Variants in KDR observed in about 807,000 individuals in gnomAD.
The protein encoded by KDR is vascular endothelial growth factor receptor 2.
In KDR, 43 loss-of-function variants were observed where a neutral mutation model predicts 160.9. The ratio of observed to expected loss-of-function variants is 0.27; its 90% CI spans 0.21 to 0.34. KDR has a LOEUF of 0.34. Ranked by LOEUF, KDR falls within the 10% of genes least tolerant of loss-of-function variation. The probability of loss-of-function intolerance (pLI) is 1.00; values close to 1 mark genes in which losing one functional copy is unlikely to be tolerated. For synonymous variants in KDR, 617 were observed against 600.1 expected, an observed-to-expected ratio of 1.03 and a Z score of -0.41; for missense variants, 1,469 against 1,666.4, an observed-to-expected ratio of 0.88 and a Z score of 2.06.
chr4:55,102,224 C>T lies in KDR; in HGVS notation c.2134+138G>A, dbSNP rs538393873. 8 of 1,288,640 alleles carry T rather than the reference C, an allele frequency of 6.2e-6. No homozygotes were observed. The South Asian group carries it at 9.7e-5, about 16-fold the overall frequency. 79.8% of individuals were successfully genotyped at this position (1,288,640 alleles called of 1,614,324 possible). On this transcript the variant is annotated intron_variant, in intron 14 of 29. Coordinates refer to ENST00000263923, the MANE Select transcript of KDR (RefSeq NM_002253.4). ...TTCAACAGGGCCCCATACTCCAATT[C>T]TAAGTCTGTGAAATGAGCCAGGTCA...
rs780209077 is a variant in KDR, at chr4:55,089,997, G to A, written c.3151C>T (p.Arg1051Trp). ...VVKICDFGLA[R>W]DIYKDPDYVR... The stretch of plus-strand genomic sequence containing the variant: ...TAATCTGGATCTTTATAAATATCCC[G>A]GGCCAAGCCAAAGTCACAGATTTTA... The change falls in exon 23 of 30, where the codon CGG becomes TGG. Residue 1051 changes from arginine (R) to tryptophan (W), a missense_variant. Coordinates refer to ENST00000263923, the MANE Select transcript of KDR (RefSeq NM_002253.4). 10 of 1,613,842 alleles carry A rather than the reference G, an allele frequency of 6.2e-6. No individual in the cohort carries two copies. Among genetic ancestry groups the A allele is most frequent in the East Asian group, 2.2e-5 (1 of 44,896 alleles).
rs1720199804 is a variant in KDR, at chr4:55,097,780, C to T, written c.2510-14G>A. ...CAAGAGGCTTACCTAGAGTCAACAA[C>T]AACAGCAACAAGAAAACAGACTTGG... On this transcript the variant is annotated splice_polypyrimidine_tract_variant and intron_variant, in intron 17 of 29. Transcript: ENST00000263923. The T allele has an allele frequency of 1.3e-6, 2 of 1,563,858 alleles. No homozygotes were observed. The highest frequency in any genetic ancestry group is 1.4e-5 in the African/African-American group (1 of 73,628).
intron 11 of KDR, among the ~76,000 whole-genome samples, chr4:55,106,279 G>C (rs1720444268): frequency 1.3e-5 from 2 of 152,244 alleles, no homozygotes; most frequent in South Asian, 4.2e-4. Flanking sequence ...TCAGAATCTG[G>C]AGCATTTTGG....
intron 14 of KDR, 98 bp downstream of exon 14, chr4:55,102,264 G>T: frequency 7.0e-7 from 1 of 1,435,342 alleles, no homozygotes; most frequent in Non-Finnish European, 9.8e-7. Context: ...CACCAATACT[G>T]CTTTTTTTCT....
intron 1 of KDR, 76 bp from the exon 2 acceptor site, chr4:55,121,266 C>A: frequency 2.0e-6 from 2 of 981,862 alleles, no homozygotes; most frequent in South Asian, 2.6e-5. Flanking sequence ...ATAAACAATG[C>A]ATACTCTATA....
At chr4:55,118,509 A>G in intron 3 of KDR, 95 bp downstream of exon 3, 2 of 956,428 alleles carry the variant, frequency 2.1e-6, no homozygotes, top group Non-Finnish European at 3.4e-6. Context: ...CAGCCTTTAG[A>G]GCAAGCCCTT....
intron 15 of KDR, among the ~76,000 whole-genome samples, chr4:55,100,473 A>G (rs1720282383): frequency 6.6e-6 from 1 of 152,168 alleles, no homozygotes; most frequent in South Asian, 2.1e-4. Context: ...CATTCACTCC[A>G]GGTAAGAAGT....
Position 55,078,914 on chromosome 4 carries a change from G to A in KDR, c.*1027C>T, listed in dbSNP as rs1451279775. ...AGGCCAAATAACTAAAATACTGATG[G>A]GTTGCGGGGTGAGAGTGGGTTGGGG... On this transcript the variant is annotated 3_prime_UTR_variant, in exon 30 of 30. Transcript: ENST00000263923. 4.3e-6 allele frequency: 1 copy of A among 233,170 alleles called. No homozygotes were observed. The highest frequency in any genetic ancestry group is 2.2e-5 in the African/African-American group (1 of 45,342). 14.4% of individuals were successfully genotyped at this position (233,170 alleles called of 1,614,324 possible).
rs563652934 is a variant in KDR at position 55,105,853 on chromosome 4, C to A, written c.1624G>T (p.Val542Leu). 63 of 1,607,366 alleles carry A rather than the reference C, an allele frequency of 3.9e-5. No individual in the cohort carries two copies. In the South Asian group the frequency reaches 6.5e-4, roughly 17 times the overall value. Reference protein sequence around the residue: ...AVNKVGRGERVISFHVTRGPE... With the variant: ...AVNKVGRGERLISFHVTRGPE... ...TTACTGGTCACGTGGAAGGAGATCA[C>A]CCTCTCTCCTCTCCCGACTTTGTTG... is the stretch of plus-strand genomic sequence containing the variant. The change falls in exon 12 of 30, where the codon GTG (valine) becomes TTG (leucine). Residue 542 changes from valine (V) to leucine (L), a missense_variant. By Grantham distance (32) the Val-to-Leu change is conservative (BLOSUM62 1). This residue lies in a region of KDR where 792 missense variants were observed against 840.9 expected (regional missense o/e 0.94). Transcript: ENST00000263923.
intron 15 of KDR, 79 bp downstream of exon 15, chr4:55,101,818 G>A (rs970083110): frequency 1.3e-5 from 16 of 1,262,152 alleles, no homozygotes; most frequent in Non-Finnish European, 1.8e-5. Context: ...CAGCTGCAAA[G>A]GACATGATCA....
At position 55,107,817 on chromosome 4, in the gene KDR, T is replaced by C. The variant is rs144083610; in HGVS notation, c.1332A>G (p.Thr444=). 2 of 1,613,952 alleles carry C rather than the reference T, an allele frequency of 1.2e-6. No homozygotes were observed. The highest frequency in any genetic ancestry group is 1.7e-6 in the Non-Finnish European group (2 of 1,179,906). Residue 444 remains threonine (T), a synonymous_variant, in exon 10 of 30, where the codon ACA becomes ACG. Coordinates refer to ENST00000263923, the MANE Select transcript of KDR (RefSeq NM_002253.4). The part of the protein sequence containing the change: ...SYQYGTTQTL[T]CTVYAIPPPH... Reference sequence around the variant, plus strand: ...GGGGAGGAATGGCATAGACCGTACATGTCAGCGTTTGAGTGGTGCCGTACT... The same window carrying C: ...GGGGAGGAATGGCATAGACCGTACACGTCAGCGTTTGAGTGGTGCCGTACT...
At chr4:55,086,881 C>A (rs911920615) in intron 27 of KDR, among the ~76,000 whole-genome samples, 1 of 152,148 alleles carries the variant, frequency 6.6e-6, no homozygotes, top group Admixed American at 6.5e-5. Flanking sequence ...AACACCCAAA[C>A]GGGTTAGGAA....
At chr4:55,113,617 A>T in intron 6 of KDR, 136 bp from the exon 7 acceptor site, 1 of 737,876 alleles carries the variant, frequency 1.4e-6, no homozygotes. Context: ...AGAACTTTTA[A>T]CCTCATGCAG....
intron 7 of KDR, among the ~76,000 whole-genome samples, chr4:55,111,838 T>A: frequency 6.6e-6 from 1 of 152,250 alleles, no homozygotes; most frequent in East Asian, 1.9e-4. Flanking sequence ...AGTCAGGAAC[T>A]TGAGTTCCAA....
rs1172794960 is a variant in KDR at position 55,096,337 on chromosome 4, C to T, written c.2620G>A (p.Ala874Thr). Residue 874 changes from alanine (A) to threonine (T), a missense_variant, in exon 19 of 30, where the codon GCA becomes ACA. By Grantham distance (58) the Ala-to-Thr change is moderately conservative. Coordinates refer to ENST00000263923, the MANE Select transcript of KDR (RefSeq NM_002253.4). Reference protein sequence around the residue: ...TVAVKMLKEGATHSEHRALMS... With the variant: ...TVAVKMLKEGTTHSEHRALMS... ...AGAGCTCGATGCTCACTGTGTGTTG[C>T]TCCTTCTACAAATACAGTACAAAGA... The T allele has an allele frequency of 2.5e-6, 4 of 1,607,222 alleles. No individual in the cohort carries two copies. Among genetic ancestry groups the T allele is most frequent in the African/African-American group, 1.3e-5 (1 of 74,704 alleles).
chr4:55,080,050 C>T lies in KDR; in HGVS notation c.3962G>A (p.Ser1321Asn). The change falls in exon 30 of 30, where the codon AGT (serine) becomes AAT (asparagine). Residue 1321 changes from serine (S) to asparagine (N), a missense_variant. By Grantham distance (46) the Ser-to-Asn change is conservative. This residue lies in a region of KDR where 229 missense variants were observed against 197.8 expected (regional missense o/e 1.16). Transcript: ENST00000263923. ...CAGCTTTAAAAGTTCTGCTTCCTCA[C>T]TGGAGTACACGGTGGTGTCTGTGTC... Reference protein sequence around the residue: ...SDDTDTTVYSSEEAELLKLIE... With the variant: ...SDDTDTTVYSNEEAELLKLIE... The T allele has an allele frequency of 1.2e-6, 2 of 1,614,218 alleles. No individual in the cohort carries two copies. The highest frequency in any genetic ancestry group is 1.7e-5 in the Admixed American group (1 of 60,024).
At position 55,118,595 on chromosome 4, in the gene KDR, A is replaced by G; in HGVS notation, c.358+9T>C. ...AGACGTGGGAAATGAATTTTATTTCACCACTTACCTTGAACATAGACATAA... is the reference window on the plus strand; with the variant it reads ...AGACGTGGGAAATGAATTTTATTTCGCCACTTACCTTGAACATAGACATAA... On this transcript the variant is annotated intron_variant, in intron 3 of 29. Coordinates refer to ENST00000263923, the MANE Select transcript of KDR (RefSeq NM_002253.4). The G allele has an allele frequency of 1.2e-6, 2 of 1,606,898 alleles. No individual in the cohort carries two copies. The highest frequency in any genetic ancestry group is 8.5e-7 in the Non-Finnish European group (1 of 1,173,368).
intron 1 of KDR, among the ~76,000 whole-genome samples, chr4:55,123,415 T>C (rs1450595849): frequency 6.6e-6 from 1 of 152,204 alleles, no homozygotes; most frequent in Admixed American, 6.5e-5. Flanking sequence ...TCTCATAATT[T>C]ATTGCCACAG....
Position 55,125,278 on chromosome 4 carries a change from G to C in KDR, c.16C>G (p.Leu6Val). 1 of 1,612,840 alleles carries C rather than the reference G, an allele frequency of 6.2e-7. No individual in the cohort carries two copies. Among genetic ancestry groups the C allele is most frequent in the Non-Finnish European group, 8.5e-7 (1 of 1,179,748 alleles). Residue 6 changes from leucine (L) to valine (V), a missense_variant, in exon 1 of 30, where the codon CTG becomes GTG. By Grantham distance (32) the Leu-to-Val change is conservative (BLOSUM62 1). This residue lies in a region of KDR where 792 missense variants were observed against 840.9 expected (regional missense o/e 0.94). Coordinates refer to ENST00000263923, the MANE Select transcript of KDR (RefSeq NM_002253.4). ...CAGAGCCACAGGGCGACGGCCAGCA[G>C]CACCTTGCTCTGCATCCTGCACCTC... MQSKV[L>V]LAVALWLCVE...
Sources: allele counts gnomAD v4.1 joint callset (sites outside exome capture counted in the v4.1 genomes callset), GRCh38; gene constraint gnomAD v4.1.1; regional missense constraint gnomAD v4.1.1; transcripts MANE v1.5; gene names NCBI Gene and HGNC (gene_info 2026-07-23, HGNC 2026-07-21).